ADAM12: variants seen among roughly 807,000 people sequenced by gnomAD.
ADAM12 encodes disintegrin and metalloproteinase domain-containing protein 12.
A neutral mutation model predicts 106.4 loss-of-function variants in ADAM12; 70 were observed. That is an observed-to-expected ratio of 0.66 (90% CI 0.54 to 0.80). The LOEUF is 0.80. ADAM12 is among the 30% of genes least tolerant of loss of function. The pLI is 0.00. For missense variants in ADAM12, 1,010 were observed against 1,171.9 expected, an observed-to-expected ratio of 0.86 and a Z score of 2.02; for synonymous variants, 420 against 433.5, an observed-to-expected ratio of 0.97 and a Z score of 0.39.
Position 126,383,652 on chromosome 10 carries a change from T to A in ADAM12, c.88+4406A>T, listed in dbSNP as rs141555338. 2.5e-3 allele frequency among the ~76,000 whole-genome samples: 387 copies of A among 152,136 alleles called. 1 individual carries two copies. Among genetic ancestry groups the A allele is most frequent in the Admixed American group, 4.3e-3 (65 of 15,284 alleles). On this transcript the variant is annotated intron_variant, in intron 1 of 22. Transcript: ENST00000448723. The stretch of plus-strand genomic sequence containing the variant: ...TAAAGGTTTGACAAGCAGAATACCA[T>A]CAACTTCTCAAGCAGTAATGGCCAT...
chr10:126,196,804 T>C (rs2133812847), intron 3 of ADAM12, among the ~76,000 whole-genome samples: 1 of 152,300 alleles, frequency 6.6e-6, no homozygotes, highest in East Asian at 1.9e-4. Flanking sequence ...TCCTTTCCTT[T>C]CTGTAATTTT....
At chr10:126,100,611 A>G (rs551931254) in intron 9 of ADAM12, among the ~76,000 whole-genome samples, 1 of 151,874 alleles carries the variant, frequency 6.6e-6, no homozygotes, top group South Asian at 2.1e-4. Context: ...GCTACTCGGG[A>G]GGTTGAGGCA....
intron 3 of ADAM12, among the ~76,000 whole-genome samples, chr10:126,260,206 G>A (rs944804181): frequency 6.6e-6 from 1 of 152,198 alleles, no homozygotes; most frequent in South Asian, 2.1e-4. Context: ...GGGACAACAG[G>A]ACAAATGACC....
chr10:126,259,937 G>A (rs1407943433), intron 3 of ADAM12, among the ~76,000 whole-genome samples: 1 of 152,182 alleles, frequency 6.6e-6, no homozygotes, highest in African/African-American at 2.4e-5. Context: ...CTGTCACATG[G>A]GAGTTTGGTC....
chr10:126,171,600 A>G (rs1287869741), intron 3 of ADAM12, among the ~76,000 whole-genome samples: 1 of 152,186 alleles, frequency 6.6e-6, no homozygotes, highest in Admixed American at 6.5e-5. Flanking sequence ...CTAAGTCTCC[A>G]CGGTGTCTTG....
rs145893605 is a variant in ADAM12 at position 126,152,302 on chromosome 10, C to A, written c.339+2925G>T. Among the ~76,000 whole-genome samples the A allele has an allele frequency of 5.8e-3, 878 of 152,072 alleles. 9 individuals carry two copies. The highest frequency in any genetic ancestry group is 0.02 in the African/African-American group (846 of 41,538). On this transcript the variant is annotated intron_variant, in intron 4 of 22. Coordinates refer to ENST00000448723, the MANE Select transcript of ADAM12 (RefSeq NM_001288973.2). The stretch of plus-strand genomic sequence containing the variant: ...GCTTTTTTGTTTTGTTTCGGATTTT[C>A]AGAAATCCTTTAATTAGGAGCTGGG...
At chr10:126,218,095 G>T (rs986069266) in intron 3 of ADAM12, among the ~76,000 whole-genome samples, 7 of 151,680 alleles carry the variant, frequency 4.6e-5, no homozygotes, top group African/African-American at 1.7e-4. Context: ...ACACTGAGCT[G>T]CTAGGAATAA....
chr10:126,383,588 A>G (rs956486980), intron 1 of ADAM12, among the ~76,000 whole-genome samples: 3 of 152,188 alleles, frequency 2.0e-5, no homozygotes, highest in Admixed American at 1.3e-4. Context: ...TGACAACGAA[A>G]AAAGATAATC....
At chr10:126,274,905 C>T (rs768729794) in intron 3 of ADAM12, among the ~76,000 whole-genome samples, 2 of 152,312 alleles carry the variant, frequency 1.3e-5, no homozygotes, top group Non-Finnish European at 2.9e-5. Context: ...AATATTTATA[C>T]CCATGTTTAG....
At chr10:126,263,302 C>T (rs1271063525) in intron 3 of ADAM12, among the ~76,000 whole-genome samples, 1 of 152,062 alleles carries the variant, frequency 6.6e-6, no homozygotes, top group Non-Finnish European at 1.5e-5. Flanking sequence ...CCATCTGATC[C>T]AGTCTCCAAG....
At chr10:126,159,259 G>A (rs1176293895) in intron 3 of ADAM12, among the ~76,000 whole-genome samples, 1 of 128,398 alleles carries the variant, frequency 7.8e-6, no homozygotes, top group Non-Finnish European at 1.6e-5. Flanking sequence ...GCAGTGAGCC[G>A]AGATCATGCC....
intron 3 of ADAM12, among the ~76,000 whole-genome samples, chr10:126,249,232 A>G (rs1424719414): frequency 1.3e-5 from 2 of 152,126 alleles, no homozygotes; most frequent in Non-Finnish European, 2.9e-5. Context: ...AATTTCCCCT[A>G]CTAAAATGTA....
Position 126,190,989 on chromosome 10 carries a change from C to CTTTTTTTTTTTTTT in ADAM12, c.261-35685_261-35684insAAAAAAAAAAAAAA, listed in dbSNP as rs1957488604. Among the ~76,000 whole-genome samples the CTTTTTTTTTTTTTT allele has an allele frequency of 2.9e-4, 20 of 68,710 alleles. 10 individuals are homozygous for CTTTTTTTTTTTTTT. The highest frequency in any genetic ancestry group is 1.5e-4 in the African/African-American group (4 of 26,280). 45.1% of individuals were successfully genotyped at this position (68,710 alleles called of 152,430 possible). On this transcript the variant is annotated intron_variant, in intron 3 of 22. Coordinates refer to ENST00000448723, the MANE Select transcript of ADAM12 (RefSeq NM_001288973.2). ...TTTGAGTTGCCATGAGGAGTTTTGTCCTTTTTTTTTTTTTTTTTTTTTTTT... is the reference window on the plus strand; with the variant it reads ...TTTGAGTTGCCATGAGGAGTTTTGTCTTTTTTTTTTTTTTCTTTTTTTTTTTTTTTTTTTTTTTT...
At chr10:126,133,242 T>C (rs778809519) in intron 5 of ADAM12, among the ~76,000 whole-genome samples, 4 of 152,080 alleles carry the variant, frequency 2.6e-5, no homozygotes, top group Non-Finnish European at 4.4e-5. Context: ...ACTTCCAAAC[T>C]CTCCTTCTTC....
chr10:126,210,099 T>C (rs1302696685), intron 3 of ADAM12, among the ~76,000 whole-genome samples: 1 of 152,226 alleles, frequency 6.6e-6, no homozygotes, highest in East Asian at 1.9e-4. Flanking sequence ...TCTCCCATCT[T>C]TCCCCAACTG....
chr10:126,359,665 G>C (rs961354363), intron 1 of ADAM12, among the ~76,000 whole-genome samples: 1 of 152,176 alleles, frequency 6.6e-6, no homozygotes, highest in Non-Finnish European at 1.5e-5. Context: ...GCAGGGTACA[G>C]CCTCCCTCCT....
intron 21 of ADAM12, among the ~76,000 whole-genome samples, chr10:126,026,297 ATG>A (rs1390901170): frequency 6.6e-6 from 1 of 152,240 alleles, no homozygotes; most frequent in African/African-American, 2.4e-5. Context: ...TATCCTAAAT[ATG>A]TGTGCATCTT....
intron 14 of ADAM12, among the ~76,000 whole-genome samples, chr10:126,058,726 A>G (rs1389287956): frequency 6.6e-6 from 1 of 152,204 alleles, no homozygotes; most frequent in Admixed American, 6.5e-5. Flanking sequence ...AGGAGGGGCC[A>G]ACAGAGTGCT....
intron 4 of ADAM12, among the ~76,000 whole-genome samples, chr10:126,148,865 A>G (rs1052186096): frequency 7.5e-3 from 1 of 134 alleles, no homozygotes; most frequent in African/African-American, 0.031. Flanking sequence ...CCTTCTTCCC[A>G]GCCAAAAGCC....
Sources: allele counts gnomAD v4.1 joint callset (sites outside exome capture counted in the v4.1 genomes callset), GRCh38; gene constraint gnomAD v4.1.1; transcripts MANE v1.5; gene names NCBI Gene and HGNC (gene_info 2026-07-23, HGNC 2026-07-21).